Variants in SH3GL2 observed in about 807,000 individuals in gnomAD.
SH3GL2 encodes the protein endophilin-A1.
SH3GL2 carries 24 observed loss-of-function variants against 46.0 expected under a neutral mutation model. That is an observed-to-expected ratio of 0.52 (90% CI 0.38 to 0.73). The LOEUF is 0.73. SH3GL2 is among the 30% of genes least tolerant of loss of function. SH3GL2 has a pLI of 0.00. For missense variants in SH3GL2, 413 were observed against 424.2 expected (o/e 0.97, Z 0.23); for synonymous variants, 196 against 147.1 (o/e 1.33, Z -2.40).
At chr9:17,681,638 C>T (rs900830353) in intron 1 of SH3GL2, among the ~76,000 whole-genome samples, 7 of 152,050 alleles carry the variant, frequency 4.6e-5, no homozygotes, top group African/African-American at 1.4e-4. Flanking sequence ...AAGACATAGG[C>T]ATGGGAAAAG....
At chr9:17,790,183 T>A (rs1824083073) in intron 6 of SH3GL2, among the ~76,000 whole-genome samples, 1 of 152,182 alleles carries the variant, frequency 6.6e-6, no homozygotes, top group Admixed American at 6.5e-5. Context: ...GCCTTTCCTC[T>A]GCTTTTTATT....
intron 1 of SH3GL2, among the ~76,000 whole-genome samples, chr9:17,743,959 A>T (rs1272591987): frequency 6.6e-6 from 1 of 152,192 alleles, no homozygotes; most frequent in Admixed American, 6.5e-5. Flanking sequence ...ATTAAATATC[A>T]CAGGTCACAG....
intron 1 of SH3GL2, among the ~76,000 whole-genome samples, chr9:17,679,559 T>C (rs1306709588): frequency 6.6e-6 from 1 of 152,168 alleles, no homozygotes; most frequent in East Asian, 1.9e-4. Flanking sequence ...AGATATACAA[T>C]CATGTCATCT....
At chr9:17,597,014 A>G (rs564873473) in intron 1 of SH3GL2, among the ~76,000 whole-genome samples, 1 of 152,236 alleles carries the variant, frequency 6.6e-6, no homozygotes, top group South Asian at 2.1e-4. Context: ...CTGTGAAATC[A>G]TTTCTAGAGT....
chr9:17,711,912 C>T (rs1287890588), intron 1 of SH3GL2, among the ~76,000 whole-genome samples: 3 of 151,780 alleles, frequency 2.0e-5, no homozygotes, highest in Non-Finnish European at 4.4e-5. Context: ...AGTGGTTGTT[C>T]TATTTTACAA....
At chr9:17,770,690 C>A (rs185474666) in intron 3 of SH3GL2, among the ~76,000 whole-genome samples, 1 of 152,338 alleles carries the variant, frequency 6.6e-6, no homozygotes, top group Admixed American at 6.5e-5. Flanking sequence ...GAGACATTCC[C>A]TTCCTTGTCT....
chr9:17,627,916 C>G (rs1819320469), intron 1 of SH3GL2, among the ~76,000 whole-genome samples: 1 of 152,218 alleles, frequency 6.6e-6, no homozygotes, highest in African/African-American at 2.4e-5. Context: ...AGCCTCCTCT[C>G]TGTTGTGTTT....
chr9:17,736,596 C>T (rs1258344763), intron 1 of SH3GL2, among the ~76,000 whole-genome samples: 1 of 152,144 alleles, frequency 6.6e-6, no homozygotes, highest in Non-Finnish European at 1.5e-5. Context: ...CAGGATAGAG[C>T]TTCACTGCCA....
chr9:17,688,549 G>C (rs1820987529), intron 1 of SH3GL2, among the ~76,000 whole-genome samples: 1 of 152,004 alleles, frequency 6.6e-6, no homozygotes, highest in Non-Finnish European at 1.5e-5. Context: ...TCAGTAAAAG[G>C]AACCAGGGCA....
intron 2 of SH3GL2, among the ~76,000 whole-genome samples, chr9:17,754,378 T>C (rs1822930813): frequency 2.0e-5 from 3 of 152,148 alleles, no homozygotes; most frequent in Admixed American, 2.0e-4. Context: ...TAGTTCTTCT[T>C]GTAAAGAACT....
chr9:17,772,944 C>T (rs1253900628), intron 3 of SH3GL2, among the ~76,000 whole-genome samples: 1 of 152,180 alleles, frequency 6.6e-6, no homozygotes, highest in Non-Finnish European at 1.5e-5. Context: ...ATTTTACTTT[C>T]TCACCAACAG....
At chr9:17,705,460 T>A (rs1018135563) in intron 1 of SH3GL2, among the ~76,000 whole-genome samples, 3 of 150,878 alleles carry the variant, frequency 2.0e-5, no homozygotes, top group African/African-American at 7.3e-5. Context: ...AGCACAGCAG[T>A]ATTCACAGTA....
intron 1 of SH3GL2, among the ~76,000 whole-genome samples, chr9:17,707,145 G>C (rs529306259): frequency 2.6e-4 from 39 of 152,106 alleles, no homozygotes; most frequent in South Asian, 6.2e-4. Context: ...TATCCTGACT[G>C]CAACACACAC....
intron 3 of SH3GL2, among the ~76,000 whole-genome samples, chr9:17,784,295 T>C (rs1823895424): frequency 6.6e-6 from 1 of 152,134 alleles, no homozygotes. Context: ...TATTAAACTG[T>C]TTAGAATTAC....
At chr9:17,639,348 C>T (rs1819617949) in intron 1 of SH3GL2, among the ~76,000 whole-genome samples, 1 of 152,142 alleles carries the variant, frequency 6.6e-6, no homozygotes, top group African/African-American at 2.4e-5. Context: ...AGAACTCTTA[C>T]ACCATACAAA....
intron 3 of SH3GL2, among the ~76,000 whole-genome samples, chr9:17,768,474 C>T (rs1823382485): frequency 6.6e-6 from 1 of 151,842 alleles, no homozygotes; most frequent in Admixed American, 6.6e-5. Context: ...TTAATGGCAC[C>T]TCACGTGAAT....
rs1190197931 is a variant in SH3GL2, at chr9:17,796,100, C to T, written c.*357C>T. On this transcript the variant is annotated 3_prime_UTR_variant, in exon 9 of 9. Coordinates refer to ENST00000380607, the MANE Select transcript of SH3GL2 (RefSeq NM_003026.5). The stretch of plus-strand genomic sequence containing the variant: ...AGATATTGTCTATCACCCCAGGGGC[C>T]ATCTGAAGGTCTCTTTGCATTTCTC... 1 of 199,520 alleles carries T rather than the reference C, an allele frequency of 5.0e-6. No homozygotes were observed. Among genetic ancestry groups the T allele is most frequent in the African/African-American group, 2.3e-5 (1 of 43,614 alleles). 12.4% of individuals were successfully genotyped at this position (199,520 alleles called of 1,614,324 possible). A position where few individuals can be genotyped will look rare whatever the true frequency, so the allele number is the denominator to read the frequency against.
rs572089069 is a variant in SH3GL2, at chr9:17,794,639, G to A, written c.860-905G>A. On this transcript the variant is annotated intron_variant, in intron 8 of 8. Coordinates refer to ENST00000380607, the MANE Select transcript of SH3GL2 (RefSeq NM_003026.5). ...CCTTTCCAGCCACCTAGATGGCATG[G>A]GAACTGTGTGCACTTGTCTGAGTCT... Among the ~76,000 whole-genome samples the A allele has an allele frequency of 3.3e-5, 5 of 152,268 alleles. 1 individual carries two copies. The highest frequency in any genetic ancestry group is 1.2e-4 in the African/African-American group (5 of 41,568).
chr9:17,696,783 A>G (rs528745299), intron 1 of SH3GL2, among the ~76,000 whole-genome samples: 1 of 152,324 alleles, frequency 6.6e-6, no homozygotes, highest in East Asian at 1.9e-4. Context: ...GCCAAACCAT[A>G]TCACATAGCT....
Sources: allele counts gnomAD v4.1 joint callset (sites outside exome capture counted in the v4.1 genomes callset), GRCh38; gene constraint gnomAD v4.1.1; transcripts MANE v1.5; gene names NCBI Gene and HGNC (gene_info 2026-07-23, HGNC 2026-07-21).